FRMD6: variants seen among roughly 807,000 people sequenced by gnomAD.
FRMD6 encodes the protein FERM domain-containing protein 6.
FRMD6 carries 37 observed loss-of-function variants against 73.2 expected under a neutral mutation model. The ratio of observed to expected loss-of-function variants is 0.51; its 90% CI spans 0.39 to 0.66. The LOEUF (loss-of-function observed/expected upper bound fraction) is 0.66. Among genes scored for constraint, FRMD6 ranks in the 30% least tolerant of loss-of-function variants. FRMD6 has a pLI of 0.00. For missense variants in FRMD6, 714 were observed against 780.5 expected (o/e 0.91, Z 1.02); for synonymous variants, 273 against 282.2 (o/e 0.97, Z 0.33).
At chr14:51,581,882 G>C in intron 2 of FRMD6, among the ~76,000 whole-genome samples, 1 of 152,184 alleles carries the variant, frequency 6.6e-6, no homozygotes, top group East Asian at 1.9e-4. Flanking sequence ...TGAAAGTAGT[G>C]TCATCCCCAA....
chr14:51,583,997 T>C (rs1888881707), intron 2 of FRMD6, among the ~76,000 whole-genome samples: 1 of 152,338 alleles, frequency 6.6e-6, no homozygotes, highest in Admixed American at 6.5e-5. Flanking sequence ...GGTTTAAAGT[T>C]TGAAACAGAA....
rs188166227 is a variant in FRMD6 at position 51,698,280 on chromosome 14, G to A, written c.190+48G>A. Reference sequence around the variant, plus strand: ...ATGGATTTAGCCAACTATCCCTGAGGAAATGACATCTTATAGCTATAACTT... The same window carrying A: ...ATGGATTTAGCCAACTATCCCTGAGAAAATGACATCTTATAGCTATAACTT... On this transcript the variant is annotated intron_variant, in intron 3 of 13. Transcript: ENST00000344768. 36 of 1,293,964 alleles carry A rather than the reference G, an allele frequency of 2.8e-5. No individual in the cohort carries two copies. In the Admixed American group the frequency reaches 6.6e-4, roughly 24 times the overall value. 80.2% of individuals were successfully genotyped at this position (1,293,964 alleles called of 1,614,324 possible).
chr14:51,509,598 A>G (rs1884177369), intron 1 of FRMD6, among the ~76,000 whole-genome samples: 1 of 152,170 alleles, frequency 6.6e-6, no homozygotes, highest in African/African-American at 2.4e-5. Flanking sequence ...GTTTGCCACC[A>G]GTAACAATGC....
intron 6 of FRMD6, among the ~76,000 whole-genome samples, chr14:51,705,846 A>C (rs138143613): frequency 6.6e-6 from 1 of 152,162 alleles, no homozygotes; most frequent in Non-Finnish European, 1.5e-5. Context: ...CAGTTGCTTT[A>C]TATTAACATA....
At chr14:51,494,944 G>A (rs371150267) in intron 1 of FRMD6, among the ~76,000 whole-genome samples, 3 of 152,080 alleles carry the variant, frequency 2.0e-5, no homozygotes, top group South Asian at 4.1e-4. Flanking sequence ...TTTACAATAT[G>A]GATAAGCTGA....
chr14:51,557,822 A>AG (rs1887231216), intron 1 of FRMD6, among the ~76,000 whole-genome samples: 1 of 152,130 alleles, frequency 6.6e-6, no homozygotes, highest in Non-Finnish European at 1.5e-5. Flanking sequence ...CGAGAGAGGG[A>AG]GGAGGGTGAG....
chr14:51,531,048 A>C (rs1339513248), intron 1 of FRMD6, among the ~76,000 whole-genome samples: 2 of 152,182 alleles, frequency 1.3e-5, no homozygotes, highest in Non-Finnish European at 2.9e-5. Flanking sequence ...GGGAGAGCAA[A>C]AGAGTAAACT....
At chr14:51,404,497 A>G in the FRMD6 span, among the ~76,000 whole-genome samples, 4 of 152,022 alleles carry the variant, frequency 2.6e-5, no homozygotes, top group East Asian at 7.7e-4. Context: ...ATATTCTTCT[A>G]TTTTTTTCTC....
At chr14:51,695,540 T>C (rs1895888920) in intron 2 of FRMD6, among the ~76,000 whole-genome samples, 1 of 152,206 alleles carries the variant, frequency 6.6e-6, no homozygotes, top group Non-Finnish European at 1.5e-5. Context: ...AAATGCTGAA[T>C]GGCATATTTA....
intron 3 of FRMD6, 149 bp downstream of exon 3, chr14:51,698,381 G>A (rs1896082840): frequency 4.6e-6 from 2 of 433,256 alleles, no homozygotes; most frequent in Non-Finnish European, 8.2e-6. Flanking sequence ...TGTAGGTGTA[G>A]TATTTAATTT....
At chr14:51,712,946 T>C (rs1017920696) in intron 9 of FRMD6, among the ~76,000 whole-genome samples, 1 of 152,206 alleles carries the variant, frequency 6.6e-6, no homozygotes, top group African/African-American at 2.4e-5. Flanking sequence ...TAAAAAGATG[T>C]TTCTATTAAT....
intron 1 of FRMD6, among the ~76,000 whole-genome samples, chr14:51,530,818 C>G (rs114867848): frequency 1.3e-5 from 2 of 152,130 alleles, no homozygotes; most frequent in Non-Finnish European, 2.9e-5. Context: ...AAAGGACAAA[C>G]AGTAACTTTA....
chr14:51,555,831 AAGT>A (rs1887098989), intron 1 of FRMD6, among the ~76,000 whole-genome samples: 1 of 152,118 alleles, frequency 6.6e-6, no homozygotes, highest in Middle Eastern at 3.4e-3. Flanking sequence ...GTTATCTGAT[AAGT>A]AGTAGTGATA....
At chr14:51,427,324 G>A in the FRMD6 span, among the ~76,000 whole-genome samples, 3 of 152,192 alleles carry the variant, frequency 2.0e-5, no homozygotes, top group African/African-American at 7.2e-5. Flanking sequence ...TATTTATTTG[G>A]CATATGCCAG....
chr14:51,718,461 G>C (rs1400235729), intron 10 of FRMD6, among the ~76,000 whole-genome samples: 5 of 152,248 alleles, frequency 3.3e-5, no homozygotes, highest in Non-Finnish European at 7.3e-5. Flanking sequence ...CAACAACTTA[G>C]AGACTTTTAC....
At chr14:51,543,171 C>A (rs1376605615) in intron 1 of FRMD6, among the ~76,000 whole-genome samples, 1 of 151,928 alleles carries the variant, frequency 6.6e-6, no homozygotes, top group Admixed American at 6.6e-5. Context: ...ATGATTATAG[C>A]AGTAAAACAA....
chr14:51,576,464 T>G (rs1260993481), intron 2 of FRMD6, among the ~76,000 whole-genome samples: 1 of 152,234 alleles, frequency 6.6e-6, no homozygotes, highest in African/African-American at 2.4e-5. Flanking sequence ...TCTTCTGAAC[T>G]CGGGCATGCC....
intron 1 of FRMD6, among the ~76,000 whole-genome samples, chr14:51,680,616 C>CTT (rs201708669): frequency 3.3e-5 from 5 of 150,962 alleles, no homozygotes; most frequent in Non-Finnish European, 7.4e-5. Context: ...CTTTTTCTTG[C>CTT]TTTTTTTTTC....
rs576008843 is a variant in FRMD6 at position 51,655,840 on chromosome 14, G to A, written c.-147+3844G>A. Among the ~76,000 whole-genome samples, 3 of 152,310 alleles carry A rather than the reference G, an allele frequency of 2.0e-5. No individual in the cohort carries two copies. The South Asian group carries it at 6.2e-4, about 32-fold the overall frequency. ...TATCCTGGAAATTTTGCCTGTCTTT[G>A]TGTTGAATCACTAGTTTGGTGTTAA... On this transcript the variant is annotated intron_variant, in intron 1 of 13. Transcript: ENST00000344768.
Sources: allele counts gnomAD v4.1 joint callset (sites outside exome capture counted in the v4.1 genomes callset), GRCh38; gene constraint gnomAD v4.1.1; transcripts MANE v1.5; gene names NCBI Gene and HGNC (gene_info 2026-07-23, HGNC 2026-07-21).